ELAVL2: variants seen among roughly 807,000 people sequenced by gnomAD.
The protein encoded by ELAVL2 is ELAV like RNA binding protein 2, also known as ELAV-like protein 2.
In ELAVL2, 4 loss-of-function variants were observed where a neutral mutation model predicts 34.6. The observed-to-expected ratio is 0.12, with a 90% CI of 0.06 to 0.26. The LOEUF (loss-of-function observed/expected upper bound fraction) is 0.26. ELAVL2 is among the 10% of genes least tolerant of loss of function. The pLI, the probability that ELAVL2 is intolerant of heterozygous loss-of-function variation, is 1.00. For missense variants in ELAVL2, 432 were observed against 442.8 expected (o/e 0.98, Z 0.22); for synonymous variants, 193 against 154.8 (o/e 1.25, Z -1.83).
intron 1 of ELAVL2, among the ~76,000 whole-genome samples, chr9:23,786,003 C>A (rs2059629961): frequency 6.6e-6 from 1 of 152,008 alleles, no homozygotes; most frequent in African/African-American, 2.4e-5. Context: ...CCTGACTGGT[C>A]TTCACTGATG....
intron 1 of ELAVL2, among the ~76,000 whole-genome samples, chr9:23,815,541 AC>A (rs1490531778): frequency 6.6e-6 from 1 of 152,214 alleles, no homozygotes; most frequent in Non-Finnish European, 1.5e-5. Flanking sequence ...TCAAGCAGTA[AC>A]CACCTACTAC....
chr9:23,813,867 G>T (rs762089802), intron 1 of ELAVL2, among the ~76,000 whole-genome samples: 15 of 148,244 alleles, frequency 1.0e-4, no homozygotes, highest in Non-Finnish European at 2.1e-4. Flanking sequence ...TAGAACTACT[G>T]CCTTTGTCTT....
chr9:23,739,208 G>T (rs2048572084), intron 2 of ELAVL2, among the ~76,000 whole-genome samples: 2 of 152,066 alleles, frequency 1.3e-5, no homozygotes, highest in South Asian at 4.1e-4. Flanking sequence ...CTGAAAGCAG[G>T]TTCTCCAGCC....
intron 1 of ELAVL2, among the ~76,000 whole-genome samples, chr9:23,803,757 AC>A (rs1429892553): frequency 6.6e-6 from 1 of 151,902 alleles, no homozygotes; most frequent in African/African-American, 2.4e-5. Context: ...GGGTGGGGGG[AC>A]AAGTCCCCCT....
chr9:23,700,455 G>C (rs996749502), intron 5 of ELAVL2, among the ~76,000 whole-genome samples: 1 of 152,140 alleles, frequency 6.6e-6, no homozygotes. Context: ...TAAACAGTTA[G>C]CATATGTACA....
intron 3 of ELAVL2, among the ~76,000 whole-genome samples, chr9:23,716,777 G>A (rs1349099867): frequency 1.3e-5 from 2 of 152,154 alleles, no homozygotes; most frequent in Non-Finnish European, 2.9e-5. Flanking sequence ...TCAATGACAG[G>A]GTTAGAGGGC....
chr9:23,749,641 T>C (rs2051379263), intron 2 of ELAVL2, among the ~76,000 whole-genome samples: 1 of 152,152 alleles, frequency 6.6e-6, no homozygotes, highest in South Asian at 2.1e-4. Context: ...GGATTTCTTT[T>C]TGCATGATGC....
chr9:23,829,289 A>G (rs901928120), upstream of ELAVL2, among the ~76,000 whole-genome samples: 3 of 152,230 alleles, frequency 2.0e-5, no homozygotes, highest in Non-Finnish European at 2.9e-5. Flanking sequence ...AAGTTTCTAT[A>G]TAAGAGAACA....
chr9:23,748,021 A>G (rs1039671400), intron 2 of ELAVL2, among the ~76,000 whole-genome samples: 1 of 152,198 alleles, frequency 6.6e-6, no homozygotes, highest in African/African-American at 2.4e-5. Flanking sequence ...AACATACATC[A>G]GCATCTGTCT....
intron 1 of ELAVL2, among the ~76,000 whole-genome samples, chr9:23,783,168 G>C (rs16907723): frequency 3.3e-4 from 50 of 149,486 alleles, no homozygotes; most frequent in African/African-American, 1.2e-3. Context: ...ACTCTCCGGA[G>C]GCGTGAAGTC....
chr9:23,824,673 C>G (rs902747497), intron 1 of ELAVL2, among the ~76,000 whole-genome samples: 5 of 152,206 alleles, frequency 3.3e-5, no homozygotes, highest in Non-Finnish European at 7.3e-5. Flanking sequence ...CATCCTCCCC[C>G]TTTCCCACAT....
At chr9:23,808,345 T>C (rs2062524273) in intron 1 of ELAVL2, among the ~76,000 whole-genome samples, 1 of 152,152 alleles carries the variant, frequency 6.6e-6, no homozygotes, top group East Asian at 1.9e-4. Context: ...GCAGGGAGTA[T>C]ACTGTATTCA....
At chr9:23,754,005 C>G (rs1396293533) in intron 2 of ELAVL2, among the ~76,000 whole-genome samples, 1 of 149,390 alleles carries the variant, frequency 6.7e-6, no homozygotes. Flanking sequence ...AAAAGTTCCT[C>G]TGATAAGGGC....
At chr9:23,756,695 G>C (rs1204467494) in intron 2 of ELAVL2, among the ~76,000 whole-genome samples, 2 of 152,090 alleles carry the variant, frequency 1.3e-5, no homozygotes, top group Non-Finnish European at 2.9e-5. Context: ...TGCTGAAGAG[G>C]GGACAGCACT....
intron 1 of ELAVL2, among the ~76,000 whole-genome samples, chr9:23,814,181 G>A (rs943516806): frequency 6.6e-6 from 1 of 152,194 alleles, no homozygotes; most frequent in Non-Finnish European, 1.5e-5. Context: ...TTCAGGACCT[G>A]TGGCACAAAT....
At chr9:23,708,795 C>G (rs1269416421) in intron 3 of ELAVL2, among the ~76,000 whole-genome samples, 2 of 152,074 alleles carry the variant, frequency 1.3e-5, no homozygotes, top group African/African-American at 4.8e-5. Context: ...GCATGTACCA[C>G]CACACTGGCT....
At chr9:23,793,719 C>A (rs920586885) in intron 1 of ELAVL2, among the ~76,000 whole-genome samples, 1 of 152,128 alleles carries the variant, frequency 6.6e-6, no homozygotes, top group African/African-American at 2.4e-5. Context: ...AGATTTCCAA[C>A]AACCTGAATA....
chr9:23,826,284 C>T (rs1017115021), upstream of ELAVL2: 4 of 152,362 alleles, frequency 2.6e-5, no homozygotes, highest in African/African-American at 9.6e-5. Context: ...CACCGTATCA[C>T]CAACCCCTTC....
chr9:23,744,787 G>A (rs191207804), intron 2 of ELAVL2, among the ~76,000 whole-genome samples: 25 of 152,096 alleles, frequency 1.6e-4, no homozygotes, highest in South Asian at 2.1e-4. Flanking sequence ...AAATCTAATA[G>A]TAAAGGAATT....
Sources: allele counts gnomAD v4.1 joint callset (sites outside exome capture counted in the v4.1 genomes callset), GRCh38; gene constraint gnomAD v4.1.1; transcripts MANE v1.5; gene names NCBI Gene and HGNC (gene_info 2026-07-23, HGNC 2026-07-21).